The following SCUBE1 variants were observed in gnomAD, a reference collection of about 807,000 sequenced individuals.
The protein encoded by SCUBE1 is signal peptide, CUB domain and EGF like domain containing 1, also known as signal peptide, CUB and EGF-like domain-containing protein 1.
SCUBE1 carries 59 observed loss-of-function variants against 124.4 expected under a neutral mutation model. The observed-to-expected ratio is 0.47, with a 90% confidence interval of 0.38 to 0.59. The LOEUF (loss-of-function observed/expected upper bound fraction) is 0.59, where lower values mean the gene tolerates loss of function less well. Among genes scored for constraint, SCUBE1 ranks in the 20% least tolerant of loss-of-function variants. SCUBE1 has a pLI of 0.00. For synonymous variants in SCUBE1, 545 were observed against 550.9 expected (o/e 0.99, Z 0.15); for missense variants, 1,150 against 1,371.2 (o/e 0.84, Z 2.55).
At chr22:43,207,813 C>G (rs1366553217) in intron 20 of SCUBE1, among the ~76,000 whole-genome samples, 200 bp from the exon 21 acceptor site, 2 of 152,164 alleles carry the variant, frequency 1.3e-5, no homozygotes, top group African/African-American at 4.8e-5. Context: ...CACTAAGAAC[C>G]CCCTATTTAG....
chr22:43,213,728 A>T, intron 16 of SCUBE1: 1 of 173,000 alleles, frequency 5.8e-6, no homozygotes, highest in Non-Finnish European at 1.2e-5. Context: ...TGTTCCGTAA[A>T]ATGTAAGCTG....
intron 7 of SCUBE1, among the ~76,000 whole-genome samples, chr22:43,236,029 C>T (rs563091287): frequency 2.0e-5 from 3 of 152,324 alleles, no homozygotes; most frequent in African/African-American, 4.8e-5. Flanking sequence ...TGTCCAAGCC[C>T]GCTGTGACCT....
Position 43,210,840 on chromosome 22 carries a change from A to G in SCUBE1, c.2383+82T>C. The G allele has an allele frequency of 1.3e-6, 2 of 1,503,508 alleles. No individual in the cohort carries two copies. Among genetic ancestry groups the G allele is most frequent in the Non-Finnish European group, 1.8e-6 (2 of 1,088,456 alleles). The allele number at this position is 1,503,508 out of a possible 1,614,324, so 93.1% of individuals were successfully genotyped here. ...CCAGTGTCCTCGTGGAGCTCGTGTG[A>G]GATCAGGTCTCCTCCCGCCCCCACA... On this transcript the variant is annotated intron_variant, in intron 18 of 21. Transcript: ENST00000360835. The surrounding 1 kb of genome is among the most constrained non-coding windows in gnomAD (Gnocchi z 4.5).
intron 8 of SCUBE1, 70 bp from the exon 9 acceptor site, chr22:43,229,258 C>G: frequency 9.8e-7 from 1 of 1,022,188 alleles, no homozygotes; most frequent in Admixed American, 1.7e-5. Flanking sequence ...CGGCCTGTCA[C>G]TCTCAGTCAC....
intron 9 of SCUBE1, 95 bp from the exon 10 acceptor site, chr22:43,227,591 T>C (rs1404309804): frequency 2.0e-6 from 3 of 1,485,252 alleles, no homozygotes; most frequent in East Asian, 2.3e-5. Flanking sequence ...AAGAATCTCC[T>C]GACCCCACCG....
intron 15 of SCUBE1, among the ~76,000 whole-genome samples, chr22:43,215,387 T>A (rs967023735): frequency 6.6e-6 from 1 of 152,240 alleles, no homozygotes; most frequent in Non-Finnish European, 1.5e-5. Flanking sequence ...GCCACCCACT[T>A]TCCTACAGGA....
intron 10 of SCUBE1, among the ~76,000 whole-genome samples, chr22:43,225,917 G>A (rs1007766270): frequency 5.9e-5 from 9 of 152,056 alleles, no homozygotes; most frequent in East Asian, 1.9e-4. Flanking sequence ...TCCGCCACCC[G>A]TACAACCCCA....
intron 3 of SCUBE1, among the ~76,000 whole-genome samples, chr22:43,296,024 C>T (rs1925544823): frequency 6.6e-6 from 1 of 150,732 alleles, no homozygotes; most frequent in African/African-American, 2.5e-5. Flanking sequence ...TGCAGCCTCT[C>T]TAACAGGAGG....
chr22:43,313,999 A>G (rs1234347013), intron 3 of SCUBE1, among the ~76,000 whole-genome samples: 3 of 152,200 alleles, frequency 2.0e-5, no homozygotes, highest in Non-Finnish European at 4.4e-5. Context: ...CAACTGGACA[A>G]GACTCTTGAC....
rs766567452 is a variant in SCUBE1 at position 43,214,270 on chromosome 22, G to C, written c.1892-19C>G. ...CAGGCAACTGCAGAGGCAAAGCGGA[G>C]AGGCTGCTGGAGGCAGAGGTGGGGA... On this transcript the variant is annotated intron_variant, in intron 15 of 21. Transcript: ENST00000360835. 5.0e-6 allele frequency: 8 copies of C among 1,603,934 alleles called. No homozygotes were observed. The African/African-American group carries it at 1.1e-4, about 21-fold the overall frequency.
intron 3 of SCUBE1, among the ~76,000 whole-genome samples, chr22:43,296,199 T>A (rs532988853): frequency 6.6e-6 from 1 of 152,200 alleles, no homozygotes. Flanking sequence ...CCAGCTCTGT[T>A]CGGGTCCCCA....
intron 4 of SCUBE1, among the ~76,000 whole-genome samples, chr22:43,284,330 G>A (rs897383574): frequency 6.6e-6 from 1 of 152,226 alleles, no homozygotes; most frequent in Non-Finnish European, 1.5e-5. Flanking sequence ...AGGGAAGTGC[G>A]TGCCACACTG....
At chr22:43,295,089 C>T (rs1157460057) in intron 3 of SCUBE1, among the ~76,000 whole-genome samples, 1 of 152,164 alleles carries the variant, frequency 6.6e-6, no homozygotes, top group Non-Finnish European at 1.5e-5. Context: ...CAAAGCCCTC[C>T]CTCTCCTCCC....
At chr22:43,238,647 G>T (rs1922867806) in intron 7 of SCUBE1, 191 bp downstream of exon 7, 2 of 671,960 alleles carry the variant, frequency 3.0e-6, no homozygotes, top group Non-Finnish European at 5.6e-6. Context: ...CTCTGCTGGG[G>T]ACCCTGCTGC....
intron 2 of SCUBE1, among the ~76,000 whole-genome samples, chr22:43,336,260 T>C (rs1927076667): frequency 6.6e-6 from 1 of 151,904 alleles, no homozygotes; most frequent in Non-Finnish European, 1.5e-5. Flanking sequence ...CAACCCAGGC[T>C]CCCCTCGAAG....
chr22:43,268,721 C>T (rs927809965), intron 4 of SCUBE1, among the ~76,000 whole-genome samples: 2 of 152,210 alleles, frequency 1.3e-5, no homozygotes, highest in Non-Finnish European at 2.9e-5. Context: ...GCCCCAGTCT[C>T]TGGGTGAGTG....
intron 19 of SCUBE1, among the ~76,000 whole-genome samples, chr22:43,209,358 C>T (rs1018179489): frequency 2.6e-5 from 4 of 152,200 alleles, no homozygotes; most frequent in Admixed American, 6.5e-5. Flanking sequence ...CCGACAGCAG[C>T]GAGGTGCCCT....
At chr22:43,246,117 G>A (rs890058715) in intron 6 of SCUBE1, among the ~76,000 whole-genome samples, 1 of 152,186 alleles carries the variant, frequency 6.6e-6, no homozygotes, top group Non-Finnish European at 1.5e-5. Context: ...GAGGGGTCCC[G>A]AGTGCCCCTT....
intron 3 of SCUBE1, among the ~76,000 whole-genome samples, chr22:43,303,456 G>A (rs889781832): frequency 6.6e-6 from 1 of 152,248 alleles, no homozygotes; most frequent in Admixed American, 6.5e-5. Context: ...GGGTGGGCCT[G>A]GTGGCAACAA....
Sources: allele counts gnomAD v4.1 joint callset (sites outside exome capture counted in the v4.1 genomes callset), GRCh38; gene constraint gnomAD v4.1.1; non-coding constraint Gnocchi (gnomAD v3.1); transcripts MANE v1.5; gene names NCBI Gene and HGNC (gene_info 2026-07-23, HGNC 2026-07-21).